The following GAD1 variants were observed in gnomAD, a reference collection of about 807,000 sequenced individuals.
The protein encoded by GAD1 is 67 kDa glutamic acid decarboxylase.
A neutral mutation model predicts 75.2 loss-of-function variants in GAD1; 35 were observed. The ratio of observed to expected loss-of-function variants is 0.47; its 90% confidence interval spans 0.36 to 0.62. GAD1 has a LOEUF of 0.62. GAD1 is among the 20% of genes least tolerant of loss of function. GAD1 has a pLI of 0.00. For missense variants in GAD1, 490 were observed against 758.5 expected, an observed-to-expected ratio of 0.65 and a Z score of 4.16; for synonymous variants, 257 against 271.9, an observed-to-expected ratio of 0.95 and a Z score of 0.54.
At position 170,844,171 on chromosome 2, in the gene GAD1, C is replaced by A; in HGVS notation, c.751+14C>A. The stretch of plus-strand genomic sequence containing the variant: ...TATTTTCTCCTGGTAGGTTTCTCTT[C>A]TCTTCCTCTTCTCAAGGTTTGGGAT... On this transcript the variant is annotated intron_variant, in intron 7 of 16. Coordinates refer to ENST00000358196, the MANE Select transcript of GAD1 (RefSeq NM_000817.3). 2 of 1,324,322 alleles carry A rather than the reference C, an allele frequency of 1.5e-6. No homozygotes were observed. The highest frequency in any genetic ancestry group is 2.2e-6 in the Non-Finnish European group (2 of 915,850). 82.0% of individuals were successfully genotyped at this position (1,324,322 alleles called of 1,614,324 possible). A position where few individuals can be genotyped will look rare whatever the true frequency, so the allele number is the denominator to read the frequency against.
At chr2:170,825,272 C>T (rs1701996978) in intron 3 of GAD1, among the ~76,000 whole-genome samples, 1 of 152,070 alleles carries the variant, frequency 6.6e-6, no homozygotes, top group East Asian at 1.9e-4. Context: ...AGCTGCAGTC[C>T]TAGCTACTCA....
In GAD1 at chr2:170,842,548, C is replaced by T. The variant is rs374781515; in HGVS notation, c.639-1497C>T. 42 of 1,611,586 alleles carry T rather than the reference C, an allele frequency of 2.6e-5. No homozygotes were observed. In the African/African-American group the frequency reaches 2.8e-4, roughly 11 times the overall value. On this transcript the variant is annotated intron_variant, in intron 6 of 16. Coordinates refer to ENST00000358196, the MANE Select transcript of GAD1 (RefSeq NM_000817.3). ...AGCACAGGCTAAACCAGGAATCCTT[C>T]TCTTCTTCTTCCTTTATCAGGCCAT...
rs756104212 is a variant in GAD1, at chr2:170,845,500, T to A, written c.752-6T>A. The A allele has an allele frequency of 6.2e-7, 1 of 1,612,246 alleles. No homozygotes were observed. The highest frequency in any genetic ancestry group is 8.5e-7 in the Non-Finnish European group (1 of 1,179,144). On this transcript the variant is annotated splice_region_variant and splice_polypyrimidine_tract_variant and intron_variant, in intron 7 of 16. Transcript: ENST00000358196. ...AACACCTCCCAATATGTCCGCTTGC[T>A]GACAGGGGGCGCCATATCCAACATG...
At chr2:170,830,864 T>C (rs1702203115) in intron 4 of GAD1, 86 bp from the exon 5 acceptor site, 4 of 1,546,858 alleles carry the variant, frequency 2.6e-6, no homozygotes, top group Non-Finnish European at 2.7e-6. Context: ...CCTATACAGA[T>C]AGCATGGTTA....
At chr2:170,857,791 T>TTAC (rs1488813496) in intron 15 of GAD1, among the ~76,000 whole-genome samples, 1 of 152,190 alleles carries the variant, frequency 6.6e-6, no homozygotes, top group East Asian at 1.9e-4. Flanking sequence ...AGCAAAGTAT[T>TTAC]TGTCAGTGTT....
intron 2 of GAD1, among the ~76,000 whole-genome samples, chr2:170,820,558 G>A (rs574938553): frequency 6.6e-6 from 1 of 152,334 alleles, no homozygotes; most frequent in East Asian, 1.9e-4. Flanking sequence ...TCTCCTGGGA[G>A]GTGGCGTTAG....
At chr2:170,855,926 G>A (rs547249959) in intron 14 of GAD1, among the ~76,000 whole-genome samples, 16 of 149,462 alleles carry the variant, frequency 1.1e-4, no homozygotes, top group South Asian at 2.1e-4. Flanking sequence ...AAAAGGAGTC[G>A]TGTCATTTTG....
At chr2:170,834,765 CT>C (rs10930442) in intron 5 of GAD1, among the ~76,000 whole-genome samples, 8,201 of 135,176 alleles carry the variant, frequency 0.061, 463 homozygotes, top group East Asian at 0.24. Flanking sequence ...AATATTCATT[CT>C]TTTTTTTTTT....
At chr2:170,821,726 G>A in intron 2 of GAD1, 1 of 316,874 alleles carries the variant, frequency 3.2e-6, no homozygotes, top group South Asian at 3.5e-5. Context: ...GCCAGTGGGT[G>A]TTGGGCAGCT....
Position 170,852,754 on chromosome 2 carries a change from G to A in GAD1, c.1225G>A (p.Val409Met), listed in dbSNP as rs770401754. 15 of 1,613,992 alleles carry A rather than the reference G, an allele frequency of 9.3e-6. No homozygotes were observed. Among genetic ancestry groups the A allele is most frequent in the Admixed American group, 3.3e-5 (2 of 60,006 alleles). Reference protein sequence around the residue: ...VTWNPHKMMGVLLQCSAILVK... With the variant: ...VTWNPHKMMGMLLQCSAILVK... Reference sequence around the variant, plus strand: ...CTGGAACCCTCACAAGATGATGGGCGTGCTGTTGCAGTGCTCTGCCATTCT... The same window carrying A: ...CTGGAACCCTCACAAGATGATGGGCATGCTGTTGCAGTGCTCTGCCATTCT... The change falls in exon 13 of 17, where the codon GTG (valine) becomes ATG (methionine). Residue 409 changes from valine (V) to methionine (M), a missense_variant. Transcript: ENST00000358196.
Position 170,818,531 on chromosome 2 carries a change from T to C in GAD1, c.-61T>C. 1 of 1,477,290 alleles carries C rather than the reference T, an allele frequency of 6.8e-7. No homozygotes were observed. The highest frequency in any genetic ancestry group is 9.5e-7 in the Non-Finnish European group (1 of 1,055,056). The allele number at this position is 1,477,290 out of a possible 1,614,324, so 91.5% of individuals were successfully genotyped here. On this transcript the variant is annotated splice_region_variant and 5_prime_UTR_variant, in exon 2 of 17. Coordinates refer to ENST00000358196, the MANE Select transcript of GAD1 (RefSeq NM_000817.3). The surrounding 1 kb of genome is among the most constrained non-coding windows in gnomAD (Gnocchi z 5.9). ...ACAGCTCTCGCTTCTCTTTGCAGCCTGTTTCTGCGCCGGACCAGTCGAGGA... is the reference window on the plus strand; with the variant it reads ...ACAGCTCTCGCTTCTCTTTGCAGCCCGTTTCTGCGCCGGACCAGTCGAGGA...
chr2:170,815,605 A>G (rs576883598), upstream of GAD1, among the ~76,000 whole-genome samples: 1 of 152,174 alleles, frequency 6.6e-6, no homozygotes, highest in African/African-American at 2.4e-5. Context: ...CGCATAAATA[A>G]CCCCTGCGTG....
At chr2:170,833,142 G>A (rs563698760) in intron 5 of GAD1, among the ~76,000 whole-genome samples, 7 of 152,090 alleles carry the variant, frequency 4.6e-5, no homozygotes, top group Admixed American at 6.5e-5. Flanking sequence ...ATTCTTCCTC[G>A]TCATTTGAAG....
chr2:170,842,637 T>C, intron 6 of GAD1: 2 of 1,614,122 alleles, frequency 1.2e-6, no homozygotes, highest in Non-Finnish European at 1.7e-6. Flanking sequence ...AGCATGATTG[T>C]GACCTCCAGA....
chr2:170,845,498 G>C lies in GAD1; in HGVS notation c.752-8G>C, dbSNP rs377405060. ...CCAACACCTCCCAATATGTCCGCTT[G>C]CTGACAGGGGGCGCCATATCCAACA... On this transcript the variant is annotated splice_region_variant and splice_polypyrimidine_tract_variant and intron_variant, in intron 7 of 16. Transcript: ENST00000358196. 6.2e-6 allele frequency: 10 copies of C among 1,611,844 alleles called. No homozygotes were observed. The highest frequency in any genetic ancestry group is 8.5e-6 in the Non-Finnish European group (10 of 1,179,010).
Position 170,845,606 on chromosome 2 carries a change from C to G in GAD1, c.852C>G (p.Leu284=), listed in dbSNP as rs768426080. The G allele has an allele frequency of 1.4e-5, 22 of 1,613,992 alleles. No homozygotes were observed. The highest frequency in any genetic ancestry group is 3.3e-5 in the Admixed American group (2 of 59,994). ...KGMAAVPKLV[L]FTSEQSHYSI... ...TGGCGGCTGTGCCTAAACTGGTCCT[C>G]TTCACCTCAGAACAGGTGAGTCGGG... Residue 284 remains leucine (L), a synonymous_variant, in exon 8 of 17, where the codon CTC becomes CTG. Transcript: ENST00000358196.
At chr2:170,847,842 C>T in intron 11 of GAD1, 50 bp downstream of exon 11, 1 of 1,221,150 alleles carries the variant, frequency 8.2e-7, no homozygotes, top group African/African-American at 1.5e-5. Flanking sequence ...GGAGGCACCT[C>T]TTTTTTATGA....
intron 3 of GAD1, among the ~76,000 whole-genome samples, chr2:170,822,446 C>T (rs140555568): frequency 8.1e-4 from 124 of 152,346 alleles, no homozygotes; most frequent in African/African-American, 2.8e-3. Flanking sequence ...CGCCCCCGCG[C>T]GGCAACCCCG....
Position 170,853,905 on chromosome 2 carries a change from A to G in GAD1, c.1296A>G (p.Ala432=). Residue 432 remains alanine, a synonymous_variant, in exon 14 of 17, where the codon GCA becomes GCG. Coordinates refer to ENST00000358196, the MANE Select transcript of GAD1 (RefSeq NM_000817.3). This position sits in a 1 kb window ranked among gnomAD's most constrained non-coding sequence, Gnocchi z 4.1. Reference sequence around the variant, plus strand: ...TCCAAGGATGCAACCAGATGTGTGCAGGATACCTCTTCCAGCCAGACAAGC... The same window carrying G: ...TCCAAGGATGCAACCAGATGTGTGCGGGATACCTCTTCCAGCCAGACAAGC... ...GILQGCNQMC[A]GYLFQPDKQY... The G allele has an allele frequency of 6.2e-7, 1 of 1,614,168 alleles. No individual in the cohort carries two copies. The highest frequency in any genetic ancestry group is 8.5e-7 in the Non-Finnish European group (1 of 1,180,022).
Sources: gnomAD v4.1 joint callset for allele counts (sites outside exome capture counted in the v4.1 genomes callset) on GRCh38, gnomAD v4.1.1 for gene constraint, Gnocchi (gnomAD v3.1) non-coding constraint, MANE v1.5 for transcripts, NCBI Gene and HGNC (gene_info 2026-07-23, HGNC 2026-07-21) for gene names.